Variants in SEPSECS observed in about 807,000 individuals in gnomAD.
SEPSECS encodes O-phosphoseryl-tRNA(Sec) selenium transferase.
In SEPSECS, 42 loss-of-function variants were observed where a neutral mutation model predicts 52.1. That is an observed-to-expected ratio of 0.81 (90% CI 0.63 to 1.04). The LOEUF is 1.04. SEPSECS is among the 50% of genes least tolerant of loss of function. The pLI, the probability that SEPSECS is intolerant of heterozygous loss-of-function variation, is 0.00. For synonymous variants in SEPSECS, 216 were observed against 211.4 expected (o/e 1.02, Z -0.19); for missense variants, 590 against 610.6 (o/e 0.97, Z 0.36).
chr4:25,158,699 T>C (rs1712843323), intron 2 of SEPSECS, among the ~76,000 whole-genome samples: 1 of 152,172 alleles, frequency 6.6e-6, no homozygotes, highest in South Asian at 2.1e-4. Flanking sequence ...AGAAAACGTA[T>C]AGCCTGTGTT....
intron 6 of SEPSECS, among the ~76,000 whole-genome samples, chr4:25,148,834 T>C (rs1015718134): frequency 2.0e-5 from 3 of 152,342 alleles, no homozygotes; most frequent in South Asian, 2.1e-4. Context: ...ACTCCATAAA[T>C]ATACCCAGAT....
intron 4 of SEPSECS, 138 bp from the exon 5 acceptor site, chr4:25,155,289 T>G: frequency 2.2e-6 from 2 of 926,338 alleles, no homozygotes; most frequent in South Asian, 2.9e-5. Flanking sequence ...TGGTAATAAA[T>G]ACACGGCTCA....
chr4:25,135,898 C>T (rs1728822339), intron 8 of SEPSECS, among the ~76,000 whole-genome samples: 1 of 152,152 alleles, frequency 6.6e-6, no homozygotes, highest in African/African-American at 2.4e-5. Flanking sequence ...GCTGGTTCAA[C>T]ACACGCAAAT....
chr4:25,138,350 A>T (rs1021094645), intron 8 of SEPSECS, among the ~76,000 whole-genome samples: 1 of 152,076 alleles, frequency 6.6e-6, no homozygotes, highest in African/African-American at 2.4e-5. Context: ...AAATAAACTT[A>T]GGCTCATGCC....
At chr4:25,149,302 G>A (rs1334624244) in intron 6 of SEPSECS, among the ~76,000 whole-genome samples, 3 of 152,098 alleles carry the variant, frequency 2.0e-5, no homozygotes, top group African/African-American at 7.2e-5. Flanking sequence ...CTGGCTTCAA[G>A]TGATCCACAA....
intron 8 of SEPSECS, among the ~76,000 whole-genome samples, chr4:25,136,332 A>G (rs191449084): frequency 1.3e-5 from 2 of 152,322 alleles, no homozygotes; most frequent in East Asian, 3.9e-4. Context: ...AAGTTTCTTA[A>G]GCTGATAAGC....
chr4:25,149,354 C>A (rs1712173168), intron 6 of SEPSECS, among the ~76,000 whole-genome samples: 1 of 152,132 alleles, frequency 6.6e-6, no homozygotes, highest in South Asian at 2.1e-4. Flanking sequence ...AGGGGAGCCA[C>A]CACACCCAGC....
upstream of SEPSECS, chr4:25,160,565 G>T: frequency 3.9e-6 from 2 of 514,292 alleles, no homozygotes; most frequent in Non-Finnish European, 6.9e-6. Flanking sequence ...GGCGCTCCAG[G>T]AGGAAGTTGG....
intron 9 of SEPSECS, 41 bp from the exon 10 acceptor site, chr4:25,125,825 G>A: frequency 1.6e-6 from 2 of 1,274,542 alleles, no homozygotes; most frequent in Non-Finnish European, 2.3e-6. Context: ...TTGGTTTACT[G>A]GCATAAAAAT....
At position 25,124,091 on chromosome 4, in the gene SEPSECS, A is replaced by T; in HGVS notation, c.1346T>A (p.Leu449Gln). ...AIGMKMQDVD[L>Q]FIKRLDRCLK... ...ACACCTGTCAAGTCTCTTTATGAAC[A>T]GGTCCACATCCTGCATCTTCATTCC... Residue 449 changes from leucine to glutamine, a missense_variant, in exon 11 of 11, where the codon CTG (leucine) becomes CAG (glutamine). Leu to Gln is a moderately radical substitution (Grantham distance 113). Transcript: ENST00000382103. 2 of 1,613,874 alleles carry T rather than the reference A, an allele frequency of 1.2e-6. No individual in the cohort carries two copies. The highest frequency in any genetic ancestry group is 1.7e-6 in the Non-Finnish European group (2 of 1,179,814).
intron 8 of SEPSECS, among the ~76,000 whole-genome samples, chr4:25,135,494 C>T (rs1383001038): frequency 3.3e-5 from 5 of 151,798 alleles, no homozygotes; most frequent in African/African-American, 1.2e-4. Context: ...GTATATACAC[C>T]CTCCCAAGAC....
chr4:25,148,082 G>A (rs1453612148), intron 6 of SEPSECS, among the ~76,000 whole-genome samples: 1 of 152,126 alleles, frequency 6.6e-6, no homozygotes, highest in East Asian at 1.9e-4. Flanking sequence ...GCCAGGCACG[G>A]TGGCTCACAT....
chr4:25,128,429 T>C (rs183839394), intron 8 of SEPSECS, among the ~76,000 whole-genome samples: 7 of 150,656 alleles, frequency 4.6e-5, no homozygotes, highest in Non-Finnish European at 8.9e-5. Context: ...CTGGGTAACA[T>C]AACAAAAACA....
chr4:25,145,259 T>C (rs1201548551), intron 6 of SEPSECS, 126 bp from the exon 7 acceptor site: 3 of 964,896 alleles, frequency 3.1e-6, no homozygotes, highest in Non-Finnish European at 4.8e-6. Context: ...ATTTAACCAT[T>C]TTACAATATA....
At chr4:25,156,738 A>C in intron 3 of SEPSECS, 118 bp downstream of exon 3, 1 of 522,304 alleles carries the variant, frequency 1.9e-6, no homozygotes, top group African/African-American at 2.0e-5. Context: ...AAAAAAAAGA[A>C]GTCTTTTCAA....
chr4:25,155,894 T>C, intron 4 of SEPSECS, 143 bp downstream of exon 4: 1 of 693,648 alleles, frequency 1.4e-6, no homozygotes, highest in Admixed American at 2.8e-5. Flanking sequence ...CATTAAATTT[T>C]GTTACATATA....
intron 3 of SEPSECS, 54 bp downstream of exon 3, chr4:25,156,802 G>C: frequency 1.2e-6 from 1 of 849,034 alleles, no homozygotes; most frequent in South Asian, 1.3e-5. Context: ...ATGAGTCAGT[G>C]GTGTGTGTGT....
At chr4:25,156,239 A>T in intron 3 of SEPSECS, 44 bp from the exon 4 acceptor site, 1 of 1,538,244 alleles carries the variant, frequency 6.5e-7, no homozygotes, top group Non-Finnish European at 9.0e-7. Flanking sequence ...CCCGCTAAGC[A>T]CCCAGCATCC....
chr4:25,147,504 C>T (rs1712034488), intron 6 of SEPSECS, among the ~76,000 whole-genome samples: 1 of 152,222 alleles, frequency 6.6e-6, no homozygotes, highest in Non-Finnish European at 1.5e-5. Context: ...GCTTCCCACA[C>T]TTTTGGAACT....
Sources: gnomAD v4.1 joint callset for allele counts (sites outside exome capture counted in the v4.1 genomes callset) on GRCh38, gnomAD v4.1.1 for gene constraint, MANE v1.5 for transcripts, NCBI Gene and HGNC (gene_info 2026-07-23, HGNC 2026-07-21) for gene names.